Variants in AGPAT5 observed in about 807,000 individuals in gnomAD.
AGPAT5 encodes 1-acyl-sn-glycerol-3-phosphate acyltransferase epsilon.
AGPAT5 carries 46 observed loss-of-function variants against 45.6 expected under a neutral mutation model. The ratio of observed to expected loss-of-function variants is 1.01; its 90% CI spans 0.80 to 1.29. AGPAT5 has a LOEUF of 1.29. AGPAT5 is among the 50% of genes most tolerant of loss of function. The probability of loss-of-function intolerance (pLI) is 0.00; values close to 1 mark genes in which losing one functional copy is unlikely to be tolerated. For synonymous variants in AGPAT5, 272 were observed against 167.0 expected (o/e 1.63, Z -4.85); for missense variants, 673 against 450.7 (o/e 1.49, Z -4.47).
rs1563295313 is a variant in AGPAT5 at position 6,735,848 on chromosome 8, C to CTTTTTTTTTTTTTTTTTTTT, written c.495+3198_495+3199insTTTTTTTTTTTTTTTTTTTT. 3.7e-4 allele frequency among the ~76,000 whole-genome samples: 20 copies of CTTTTTTTTTTTTTTTTTTTT among 53,614 alleles called. 8 individuals carry two copies. Among genetic ancestry groups the CTTTTTTTTTTTTTTTTTTTT allele is most frequent in the Non-Finnish European group, 3.9e-4 (10 of 25,736 alleles). The allele number at this position is 53,614 out of a possible 152,430, so 35.2% of individuals were successfully genotyped here. On this transcript the variant is annotated intron_variant, in intron 4 of 7. Transcript: ENST00000285518. ...GTGTTCCTGTTTATTCTTTATATAG[C>CTTTTTTTTTTTTTTTTTTTT]CTTTTTTTTTTTTTTTTTTTTTTTG...
intron 1 of AGPAT5, among the ~76,000 whole-genome samples, chr8:6,720,158 A>G (rs1251992532): frequency 3.3e-5 from 5 of 152,174 alleles, no homozygotes; most frequent in African/African-American, 1.2e-4. Flanking sequence ...GCCCCACTAG[A>G]TAGTGTCCAC....
At chr8:6,743,843 C>G (rs1258936843) in intron 5 of AGPAT5, among the ~76,000 whole-genome samples, 2 of 151,240 alleles carry the variant, frequency 1.3e-5, no homozygotes, top group Non-Finnish European at 2.9e-5. Flanking sequence ...GCTTTTTGAA[C>G]TCTCTTAAAA....
chr8:6,727,447 T>A (rs1800725844), intron 2 of AGPAT5, among the ~76,000 whole-genome samples: 1 of 152,044 alleles, frequency 6.6e-6, no homozygotes, highest in Non-Finnish European at 1.5e-5. Context: ...AATGGTGCAA[T>A]CTCAGCTCAC....
intron 5 of AGPAT5, chr8:6,745,388 C>A (rs1414139164): frequency 6.5e-6 from 1 of 154,048 alleles, no homozygotes; most frequent in African/African-American, 2.4e-5. Flanking sequence ...AGTCTGGGCC[C>A]CTTGCTTTCT....
Position 6,708,900 on chromosome 8 carries a change from C to T in AGPAT5, c.219+13C>T. 1 of 1,594,086 alleles carries T rather than the reference C, an allele frequency of 6.3e-7. No homozygotes were observed. Among genetic ancestry groups the T allele is most frequent in the South Asian group, 1.1e-5 (1 of 89,700 alleles). ...CACCGGGGTCCAGGTGAGCCGCCTC[C>T]CGCTCCCGGGTCTCGGCGTCCACCC... On this transcript the variant is annotated intron_variant, in intron 1 of 7. Transcript: ENST00000285518.
intron 4 of AGPAT5, among the ~76,000 whole-genome samples, chr8:6,737,210 C>T (rs748061417): frequency 2.6e-5 from 4 of 152,180 alleles, no homozygotes; most frequent in Non-Finnish European, 4.4e-5. Context: ...AGGTCACTGT[C>T]CCAGGTCGGG....
intron 2 of AGPAT5, 31 bp from the exon 3 acceptor site, chr8:6,730,680 T>C (rs570143152): frequency 2.0e-6 from 3 of 1,474,038 alleles, no homozygotes; most frequent in East Asian, 2.3e-5. Context: ...AAGAGCCTCA[T>C]GTACGCGCTA....
rs375970552 is a variant in AGPAT5 at position 6,757,331 on chromosome 8, G to C, written c.1038G>C (p.Val346=). Residue 346 remains valine, a synonymous_variant, in exon 8 of 8, where the codon GTG becomes GTC. Coordinates refer to ENST00000285518, the MANE Select transcript of AGPAT5 (RefSeq NM_018361.5). The part of the protein sequence containing the change: ...LMTDAGRKLY[V]NTWIYGTLLG... ...CCGATGCTGGAAGGAAGCTGTATGT[G>C]AACACCTGGATATATGGAACCCTAC... The C allele has an allele frequency of 1.2e-6, 2 of 1,614,074 alleles. No homozygotes were observed. Among genetic ancestry groups the C allele is most frequent in the African/African-American group, 2.7e-5 (2 of 74,930 alleles).
chr8:6,752,309 A>G (rs188563441), intron 6 of AGPAT5, among the ~76,000 whole-genome samples: 6 of 152,226 alleles, frequency 3.9e-5, no homozygotes, highest in Non-Finnish European at 8.8e-5. Context: ...TTTCCTTTAA[A>G]TCCTCTTTTT....
intron 2 of AGPAT5, among the ~76,000 whole-genome samples, chr8:6,729,261 A>G (rs890388300): frequency 6.6e-6 from 1 of 151,964 alleles, no homozygotes; most frequent in African/African-American, 2.4e-5. Context: ...AGAGCTAATC[A>G]TCTTGTAATC....
intron 1 of AGPAT5, among the ~76,000 whole-genome samples, chr8:6,715,793 T>C (rs1481553802): frequency 6.6e-6 from 1 of 152,210 alleles, no homozygotes; most frequent in Non-Finnish European, 1.5e-5. Context: ...AGTAACTCTT[T>C]AAAGTAACTC....
chr8:6,718,566 A>T (rs572436612), intron 1 of AGPAT5, among the ~76,000 whole-genome samples: 2 of 152,354 alleles, frequency 1.3e-5, no homozygotes, highest in East Asian at 3.9e-4. Flanking sequence ...TGTTAGATGT[A>T]GTCTGCAAGC....
chr8:6,743,378 G>T (rs1469547024), intron 5 of AGPAT5, among the ~76,000 whole-genome samples: 1 of 152,162 alleles, frequency 6.6e-6, no homozygotes, highest in Non-Finnish European at 1.5e-5. Context: ...CCATTAGAGA[G>T]CTTCGCTTGA....
In AGPAT5 at chr8:6,761,351, T is replaced by G. The variant is rs1802039267; in HGVS notation, c.*3963T>G. On this transcript the variant is annotated 3_prime_UTR_variant, in exon 8 of 8. Coordinates refer to ENST00000285518, the MANE Select transcript of AGPAT5 (RefSeq NM_018361.5). ...TGTTCATGTCTTTTTTTAAAAAAGG[T>G]GCTATTGAAATTCTGTGTCTCCAGC... Among the ~76,000 whole-genome samples the G allele has an allele frequency of 6.6e-6, 1 of 152,082 alleles. No homozygotes were observed. The highest frequency in any genetic ancestry group is 2.4e-5 in the African/African-American group (1 of 41,374).
At position 6,757,247 on chromosome 8, in the gene AGPAT5, C is replaced by G. The variant is rs1376617028; in HGVS notation, c.954C>G (p.Ile318Met). The G allele has an allele frequency of 1.2e-6, 2 of 1,613,998 alleles. No homozygotes were observed. Among genetic ancestry groups the G allele is most frequent in the African/African-American group, 1.3e-5 (1 of 74,918 alleles). Residue 318 changes from isoleucine (I) to methionine (M), a missense_variant, in exon 8 of 8, where the codon ATC becomes ATG. By Grantham distance (10) the Ile-to-Met change is conservative. Coordinates refer to ENST00000285518, the MANE Select transcript of AGPAT5 (RefSeq NM_018361.5). ...PGKSVNSKLSIKKTLPSMLIL... is the reference protein window; with the variant it reads ...PGKSVNSKLSMKKTLPSMLIL... ...AAAGTGTTAATTCCAAATTAAGTAT[C>G]AAGAAGACTTTACCATCAATGTTGA...
chr8:6,761,342 T>A lies in AGPAT5; in HGVS notation c.*3954T>A, dbSNP rs868237532. ...TTTTATAAATGTTCATGTCTTTTTT[T>A]AAAAAAGGTGCTATTGAAATTCTGT... On this transcript the variant is annotated 3_prime_UTR_variant, in exon 8 of 8. Transcript: ENST00000285518. 2.9e-4 allele frequency among the ~76,000 whole-genome samples: 44 copies of A among 152,154 alleles called. 1 individual carries two copies. Among genetic ancestry groups the A allele is most frequent in the African/African-American group, 8.2e-4 (34 of 41,424 alleles).
intron 1 of AGPAT5, 31 bp from the exon 2 acceptor site, chr8:6,724,839 C>CA (rs758462676): frequency 1.4e-6 from 1 of 712,120 alleles, no homozygotes; most frequent in African/African-American, 1.8e-5. Context: ...TTTAAAATAT[C>CA]AAAGTAATGT....
chr8:6,740,548 A>T (rs11137065), intron 4 of AGPAT5, among the ~76,000 whole-genome samples: 1 of 150,074 alleles, frequency 6.7e-6, no homozygotes, highest in East Asian at 1.9e-4. Flanking sequence ...ATATAATATT[A>T]TCTGTTAATT....
rs1157171231 is a variant in AGPAT5 at position 6,747,835 on chromosome 8, G to A, written c.745+7G>A. On this transcript the variant is annotated splice_region_variant and intron_variant, in intron 6 of 7. Transcript: ENST00000285518. ...GAGTCACCGACCATGACGGGTAAGT[G>A]TGTTCACGCACCTGAAATGCCTGTA... 1 of 1,613,538 alleles carries A rather than the reference G, an allele frequency of 6.2e-7. No individual in the cohort carries two copies. The highest frequency in any genetic ancestry group is 1.3e-5 in the African/African-American group (1 of 74,914).
Sources: allele counts gnomAD v4.1 joint callset (sites outside exome capture counted in the v4.1 genomes callset), GRCh38; gene constraint gnomAD v4.1.1; transcripts MANE v1.5; gene names NCBI Gene and HGNC (gene_info 2026-07-23, HGNC 2026-07-21).